RSRC1: variants seen among roughly 807,000 people sequenced by gnomAD.
RSRC1 encodes serine/Arginine-related protein 53.
A neutral mutation model predicts 49.1 loss-of-function variants in RSRC1; 39 were observed. That is an observed-to-expected ratio of 0.79 (90% confidence interval 0.61 to 1.04). The LOEUF is 1.04. Ranked by LOEUF, RSRC1 falls within the 50% of genes least tolerant of loss-of-function variation. The pLI is 0.00. For missense variants in RSRC1, 388 were observed against 402.4 expected (o/e 0.96, Z 0.31); for synonymous variants, 143 against 130.8 (o/e 1.09, Z -0.63).
chr3:158,493,411 C>G (rs1371444742), intron 7 of RSRC1, among the ~76,000 whole-genome samples: 1 of 152,078 alleles, frequency 6.6e-6, no homozygotes, highest in Admixed American at 6.6e-5. Flanking sequence ...ATTTAGGAAG[C>G]AGGAAAATAG....
rs1713295213 is a variant in RSRC1, at chr3:158,545,515, C to T, written c.*1240C>T. ...AAAAAAAGTCTTCAGGGTAGGACTGCCAACATATAGGACATTTTAATGCCA... is the reference window on the plus strand; with the variant it reads ...AAAAAAAGTCTTCAGGGTAGGACTGTCAACATATAGGACATTTTAATGCCA... On this transcript the variant is annotated 3_prime_UTR_variant, in exon 10 of 10. Transcript: ENST00000611884. The T allele has an allele frequency of 6.6e-6, 1 of 152,052 alleles. No homozygotes were observed. Among genetic ancestry groups the T allele is most frequent in the African/African-American group, 2.4e-5 (1 of 41,404 alleles). The allele number at this position is 152,052 out of a possible 1,614,324, so 9.4% of individuals were successfully genotyped here.
chr3:158,529,829 G>A (rs1712276017), intron 7 of RSRC1, among the ~76,000 whole-genome samples: 1 of 151,918 alleles, frequency 6.6e-6, no homozygotes, highest in Non-Finnish European at 1.5e-5. Context: ...CATCCATTAG[G>A]AAGTGACAAG....
intron 6 of RSRC1, among the ~76,000 whole-genome samples, chr3:158,418,900 T>A (rs1186831969): frequency 6.6e-6 from 1 of 151,962 alleles, no homozygotes; most frequent in Non-Finnish European, 1.5e-5. Context: ...AAATTGAGAT[T>A]AAATAAAGCA....
intron 7 of RSRC1, chr3:158,469,708 C>A (rs986180148): frequency 2.0e-5 from 3 of 152,220 alleles, no homozygotes; most frequent in African/African-American, 7.2e-5. Context: ...CCAGTGTTCA[C>A]ATCAAGAGAA....
At chr3:158,352,287 A>C (rs1730921611) in intron 5 of RSRC1, among the ~76,000 whole-genome samples, 1 of 152,100 alleles carries the variant, frequency 6.6e-6, no homozygotes, top group African/African-American at 2.4e-5. Context: ...AAAAAGAAAA[A>C]AGAATCTTCC....
At chr3:158,250,821 G>A (rs1004259583) in intron 4 of RSRC1, among the ~76,000 whole-genome samples, 6 of 152,076 alleles carry the variant, frequency 3.9e-5, no homozygotes, top group Non-Finnish European at 8.8e-5. Flanking sequence ...CCTTTGCTGT[G>A]CAGAAGCTTT....
intron 5 of RSRC1, among the ~76,000 whole-genome samples, chr3:158,300,584 AG>A (rs1727487997): frequency 6.6e-6 from 1 of 152,168 alleles, no homozygotes; most frequent in South Asian, 2.1e-4. Flanking sequence ...AGAGCCTTCT[AG>A]CATAGATGTA....
At chr3:158,537,442 A>C (rs1235138600) in intron 8 of RSRC1, among the ~76,000 whole-genome samples, 3 of 151,676 alleles carry the variant, frequency 2.0e-5, no homozygotes, top group Non-Finnish European at 4.4e-5. Context: ...TTCACCAAGA[A>C]TACTAAGTAA....
intron 7 of RSRC1, among the ~76,000 whole-genome samples, chr3:158,521,696 A>ATTG (rs201213586): frequency 6.6e-6 from 1 of 151,904 alleles, no homozygotes; most frequent in African/African-American, 2.4e-5. Flanking sequence ...TTGCCTTATT[A>ATTG]TATTGCAATT....
intron 4 of RSRC1, among the ~76,000 whole-genome samples, chr3:158,212,526 A>G (rs1721741263): frequency 6.6e-6 from 1 of 151,926 alleles, no homozygotes; most frequent in Non-Finnish European, 1.5e-5. Flanking sequence ...GTCCTGATTG[A>G]TCACTTTTCA....
intron 6 of RSRC1, among the ~76,000 whole-genome samples, chr3:158,364,587 G>A (rs981121863): frequency 6.6e-6 from 1 of 151,996 alleles, no homozygotes; most frequent in Non-Finnish European, 1.5e-5. Context: ...ATGGGTTGTT[G>A]TTATGGATTT....
At chr3:158,297,465 T>G (rs552408589) in intron 4 of RSRC1, among the ~76,000 whole-genome samples, 1 of 152,114 alleles carries the variant, frequency 6.6e-6, no homozygotes, top group East Asian at 1.9e-4. Context: ...TGATCATAGG[T>G]CCTGATTTGT....
At chr3:158,339,136 C>T (rs1356642319) in intron 5 of RSRC1, among the ~76,000 whole-genome samples, 2 of 150,812 alleles carry the variant, frequency 1.3e-5, no homozygotes, top group African/African-American at 2.4e-5. Context: ...ACTAAAAATA[C>T]AAAAAATTAG....
intron 6 of RSRC1, among the ~76,000 whole-genome samples, chr3:158,395,674 A>G (rs913533756): frequency 6.6e-6 from 1 of 152,156 alleles, no homozygotes; most frequent in African/African-American, 2.4e-5. Context: ...AATTTAAAAA[A>G]TAACAGGTCC....
intron 5 of RSRC1, among the ~76,000 whole-genome samples, chr3:158,344,903 G>C (rs1342907936): frequency 6.6e-6 from 1 of 151,996 alleles, no homozygotes; most frequent in East Asian, 1.9e-4. Context: ...AGCCAACAAG[G>C]AATATAAAAT....
intron 6 of RSRC1, among the ~76,000 whole-genome samples, chr3:158,384,166 T>TG (rs1276622122): frequency 6.6e-6 from 1 of 152,036 alleles, no homozygotes; most frequent in East Asian, 1.9e-4. Flanking sequence ...AGAGTTGAAA[T>TG]GGGGGAATGA....
intron 7 of RSRC1, among the ~76,000 whole-genome samples, chr3:158,514,276 A>G (rs1172200390): frequency 3.9e-5 from 6 of 152,140 alleles, no homozygotes; most frequent in Non-Finnish European, 1.5e-5. Flanking sequence ...TTCCCTCTAC[A>G]CACTGCTTTG....
At chr3:158,255,596 G>C (rs1348904596) in intron 4 of RSRC1, among the ~76,000 whole-genome samples, 2 of 152,282 alleles carry the variant, frequency 1.3e-5, no homozygotes, top group East Asian at 3.9e-4. Flanking sequence ...TTCCAATTCT[G>C]TGAAGAAAGT....
At chr3:158,184,685 G>A (rs776418687) in intron 3 of RSRC1, among the ~76,000 whole-genome samples, 3 of 152,096 alleles carry the variant, frequency 2.0e-5, no homozygotes, top group Non-Finnish European at 2.9e-5. Context: ...TTTAAGTTAT[G>A]TTTTACATAG....
Sources: allele counts gnomAD v4.1 joint callset (sites outside exome capture counted in the v4.1 genomes callset), GRCh38; gene constraint gnomAD v4.1.1; transcripts MANE v1.5; gene names NCBI Gene and HGNC (gene_info 2026-07-23, HGNC 2026-07-21).